Variants in CALN1 observed in about 807,000 individuals in gnomAD.
CALN1 encodes calneuron 1.
A neutral mutation model predicts 30.6 loss-of-function variants in CALN1; 17 were observed. The observed-to-expected ratio is 0.56, with a 90% CI of 0.38 to 0.83. CALN1 has a LOEUF of 0.83. CALN1 is among the 40% of genes least tolerant of loss of function. The probability of loss-of-function intolerance (pLI) is 0.00; values close to 1 mark genes in which losing one functional copy is unlikely to be tolerated. For synonymous variants in CALN1, 156 were observed against 131.4 expected, an observed-to-expected ratio of 1.19 and a Z score of -1.28; for missense variants, 291 against 354.9, an observed-to-expected ratio of 0.82 and a Z score of 1.45.
At chr7:72,192,890 A>T (rs1490089397) in intron 3 of CALN1, among the ~76,000 whole-genome samples, 1 of 144,800 alleles carries the variant, frequency 6.9e-6, no homozygotes, top group Non-Finnish European at 1.5e-5. Context: ...CAAAAACTTT[A>T]AAAAAATTTT....
Position 72,120,103 on chromosome 7 carries a change from C to A in CALN1, c.245-13809G>T, listed in dbSNP as rs933781486. ...AATAGGTAATTTTCCAGCCCTTGAC[C>A]CCCAGTAGTCCCCAGTATCTATTGT... On this transcript the variant is annotated intron_variant, in intron 3 of 6. Coordinates refer to ENST00000395275, the MANE Select transcript of CALN1 (RefSeq NM_031468.4). Among the ~76,000 whole-genome samples the A allele has an allele frequency of 3.9e-5, 6 of 151,988 alleles. No homozygotes were observed. In the East Asian group the frequency reaches 1.2e-3, roughly 29 times the overall value.
the CALN1 span, among the ~76,000 whole-genome samples, chr7:72,462,918 C>T: frequency 1.3e-5 from 2 of 152,308 alleles, no homozygotes; most frequent in African/African-American, 2.4e-5. Context: ...CTACCATCCA[C>T]GTAGTTCTGC....
At chr7:72,492,982 C>G in the CALN1 span, among the ~76,000 whole-genome samples, 1 of 152,192 alleles carries the variant, frequency 6.6e-6, no homozygotes, top group Non-Finnish European at 1.5e-5. Flanking sequence ...TTCTTTTTTA[C>G]AGCTTTGAGA....
At chr7:72,248,776 G>A (rs1386066494) in intron 3 of CALN1, among the ~76,000 whole-genome samples, 2 of 151,394 alleles carry the variant, frequency 1.3e-5, no homozygotes, top group Non-Finnish European at 2.9e-5. Flanking sequence ...ATCTTTCGGG[G>A]GACATTGTTC....
chr7:71,810,611 A>G (rs1787892971), intron 5 of CALN1, 119 bp from the exon 6 acceptor site: 2 of 952,012 alleles, frequency 2.1e-6, no homozygotes, highest in Admixed American at 5.0e-5. Flanking sequence ...GTTTCAGGAT[A>G]TCAGGTGAAC....
intron 3 of CALN1, among the ~76,000 whole-genome samples, chr7:72,170,268 C>T (rs999803689): frequency 1.3e-5 from 2 of 152,174 alleles, no homozygotes; most frequent in Non-Finnish European, 2.9e-5. Flanking sequence ...TGTGTGCCAT[C>T]GTGCCTGGCT....
At chr7:71,891,198 C>T (rs577987859) in intron 5 of CALN1, among the ~76,000 whole-genome samples, 3 of 152,232 alleles carry the variant, frequency 2.0e-5, no homozygotes, top group East Asian at 1.9e-4. Context: ...TAGTTTGTTT[C>T]GATTTTTATT....
intron 5 of CALN1, among the ~76,000 whole-genome samples, chr7:71,847,034 A>C (rs1268289383): frequency 4.0e-5 from 6 of 151,232 alleles, no homozygotes; most frequent in African/African-American, 1.5e-4. Context: ...ATAAGCCCCA[A>C]GATCTGCAGG....
chr7:72,026,987 G>T (rs2129530908), intron 4 of CALN1, among the ~76,000 whole-genome samples: 1 of 152,292 alleles, frequency 6.6e-6, no homozygotes, highest in East Asian at 1.9e-4. Flanking sequence ...GGTGGGGCTG[G>T]ATGGCCAAAC....
At chr7:72,253,686 A>AT (rs1173498174) in intron 3 of CALN1, among the ~76,000 whole-genome samples, 6 of 152,240 alleles carry the variant, frequency 3.9e-5, no homozygotes, top group African/African-American at 1.4e-4. Flanking sequence ...CTCCCTGGAC[A>AT]TGTGGGGATT....
At chr7:72,215,066 G>GA (rs1177289163) in intron 3 of CALN1, among the ~76,000 whole-genome samples, 1 of 151,998 alleles carries the variant, frequency 6.6e-6, no homozygotes, top group Non-Finnish European at 1.5e-5. Context: ...GAATGCACAT[G>GA]AATCATCCCA....
intron 5 of CALN1, among the ~76,000 whole-genome samples, chr7:71,842,794 G>A (rs943023758): frequency 1.3e-5 from 2 of 152,124 alleles, no homozygotes; most frequent in Admixed American, 6.6e-5. Context: ...AAAGCTTACA[G>A]GTCCGTTCCT....
chr7:72,062,538 AAT>A (rs1433612612), intron 4 of CALN1, among the ~76,000 whole-genome samples: 2,370 of 144,084 alleles, frequency 0.016, 54 homozygotes, highest in African/African-American at 0.058. Context: ...AAAGAAAAAA[AAT>A]AAATAAATAA....
intron 2 of CALN1, among the ~76,000 whole-genome samples, chr7:72,357,299 G>A (rs1395514964): frequency 2.0e-5 from 3 of 151,950 alleles, no homozygotes; most frequent in Non-Finnish European, 4.4e-5. Context: ...GAGATCTGGC[G>A]ATGTGGTTGG....
intron 5 of CALN1, among the ~76,000 whole-genome samples, chr7:71,963,202 A>G (rs1042550849): frequency 6.6e-6 from 1 of 152,060 alleles, no homozygotes; most frequent in Admixed American, 6.6e-5. Context: ...TTGCTCTGTC[A>G]CCCAGGCTGG....
chr7:71,936,445 T>C (rs919387098), intron 5 of CALN1, among the ~76,000 whole-genome samples: 1 of 144,038 alleles, frequency 6.9e-6, no homozygotes, highest in Non-Finnish European at 1.5e-5. Flanking sequence ...CTTGCTTCAC[T>C]CCTCTGGCAC....
At chr7:72,461,808 G>A in the CALN1 span, among the ~76,000 whole-genome samples, 9 of 152,268 alleles carry the variant, frequency 5.9e-5, no homozygotes, top group South Asian at 1.9e-3. Flanking sequence ...AGGAGTTTGA[G>A]ACCAGCCTGG....
chr7:71,967,780 CTAAAG>C (rs1052401507), intron 5 of CALN1, among the ~76,000 whole-genome samples: 2 of 151,898 alleles, frequency 1.3e-5, no homozygotes, highest in African/African-American at 4.8e-5. Flanking sequence ...AAAGAATTTA[CTAAAG>C]TAAATGAAAA....
At chr7:72,367,411 C>G (rs1025230154) in intron 2 of CALN1, among the ~76,000 whole-genome samples, 6 of 152,170 alleles carry the variant, frequency 3.9e-5, no homozygotes, top group Non-Finnish European at 8.8e-5. Flanking sequence ...ATTGCTTCAG[C>G]CCAGGAATTT....
Sources: allele counts gnomAD v4.1 joint callset (sites outside exome capture counted in the v4.1 genomes callset), GRCh38; gene constraint gnomAD v4.1.1; transcripts MANE v1.5; gene names NCBI Gene and HGNC (gene_info 2026-07-23, HGNC 2026-07-21).